KNDC1: variants seen among roughly 807,000 people sequenced by gnomAD.
KNDC1 encodes kinase non-catalytic C-lobe domain containing 1.
Under a neutral mutation model 172.8 loss-of-function variants are expected in KNDC1, and 106 were observed. The ratio of observed to expected loss-of-function variants is 0.61; its 90% confidence interval spans 0.52 to 0.72. The LOEUF is 0.72. Ranked by LOEUF, KNDC1 falls within the 30% of genes least tolerant of loss-of-function variation. The pLI, the probability that KNDC1 is intolerant of heterozygous loss-of-function variation, is 0.00. For missense variants in KNDC1, 2,325 were observed against 2,394.5 expected (o/e 0.97, Z 0.61); for synonymous variants, 1,083 against 1,062.2 (o/e 1.02, Z -0.38).
At chr10:133,221,599 C>T (rs940518316) in intron 29 of KNDC1, among the ~76,000 whole-genome samples, 5 of 152,252 alleles carry the variant, frequency 3.3e-5, no homozygotes, top group Non-Finnish European at 7.3e-5. Flanking sequence ...CACCCTCCCC[C>T]ACGGTAGATG....
chr10:133,171,959 TA>T (rs1274094198), intron 3 of KNDC1, among the ~76,000 whole-genome samples: 1 of 152,234 alleles, frequency 6.6e-6, no homozygotes, highest in Non-Finnish European at 1.5e-5. Context: ...GCCATCTTGC[TA>T]AAGTTTTTTT....
Position 133,221,360 on chromosome 10 carries a change from C to T in KNDC1, c.5018+1248C>T, listed in dbSNP as rs928163545. 2.0e-5 allele frequency among the ~76,000 whole-genome samples: 3 copies of T among 152,174 alleles called. No homozygotes were observed. In the East Asian group the frequency reaches 5.8e-4, roughly 29 times the overall value. Reference sequence around the variant, plus strand: ...TGGCTGTAAAACCTACCACCACGACCCACAGGGCTCACACCCCAGGCCACA... The same window carrying T: ...TGGCTGTAAAACCTACCACCACGACTCACAGGGCTCACACCCCAGGCCACA... On this transcript the variant is annotated intron_variant, in intron 29 of 29. Transcript: ENST00000304613.
At chr10:133,168,389 A>T in intron 3 of KNDC1, 77 bp downstream of exon 3, 1 of 1,449,932 alleles carries the variant, frequency 6.9e-7, no homozygotes, top group South Asian at 1.1e-5. Context: ...TCAGAAATGC[A>T]CCTGCCTTGG....
At chr10:133,210,556 G>A (rs549793255) in intron 20 of KNDC1, 55 bp from the exon 21 acceptor site, 52 of 1,046,180 alleles carry the variant, frequency 5.0e-5, no homozygotes, top group African/African-American at 1.2e-4. Flanking sequence ...AACACTAGCC[G>A]AGCCCTGGGG....
intron 29 of KNDC1, among the ~76,000 whole-genome samples, chr10:133,220,723 G>C (rs1845568066): frequency 1.2e-5 from 1 of 85,822 alleles, no homozygotes; most frequent in Non-Finnish European, 2.5e-5. Context: ...GCGCCCAGGA[G>C]AGGAGGGGCT....
chr10:133,202,988 C>T (rs1854417052), intron 17 of KNDC1, among the ~76,000 whole-genome samples: 1 of 152,112 alleles, frequency 6.6e-6, no homozygotes, highest in South Asian at 2.1e-4. Context: ...GCACTCAGCC[C>T]CCAAACTCAC....
chr10:133,213,870 C>A (rs1845423649), intron 25 of KNDC1, 102 bp from the exon 26 acceptor site: 6 of 1,502,578 alleles, frequency 4.0e-6, no homozygotes, highest in Middle Eastern at 1.8e-4. Flanking sequence ...GTTGGAGCGG[C>A]CTCGTGGCCC....
Position 133,200,332 on chromosome 10 carries a change from C to T in KNDC1, c.2904-43C>T, listed in dbSNP as rs921920280. 4 of 1,471,892 alleles carry T rather than the reference C, an allele frequency of 2.7e-6. No individual in the cohort carries two copies. The South Asian group carries it at 3.9e-5, about 14-fold the overall frequency. 91.2% of individuals were successfully genotyped at this position (1,471,892 alleles called of 1,614,324 possible). ...GCCCTGTGGAGACTGTGGCCTCCTCCCAGTGGGCGGAGGTGGGGACTGACC... is the reference window on the plus strand; with the variant it reads ...GCCCTGTGGAGACTGTGGCCTCCTCTCAGTGGGCGGAGGTGGGGACTGACC... On this transcript the variant is annotated intron_variant, in intron 15 of 29. Coordinates refer to ENST00000304613, the MANE Select transcript of KNDC1 (RefSeq NM_152643.8).
chr10:133,199,971 GGC>G (rs897622482), intron 15 of KNDC1, among the ~76,000 whole-genome samples: 4 of 152,124 alleles, frequency 2.6e-5, no homozygotes, highest in African/African-American at 7.2e-5. Context: ...CCAAACAGGT[GGC>G]CCCAGACCCC....
At chr10:133,214,758 C>T (rs1350295133) in intron 26 of KNDC1, among the ~76,000 whole-genome samples, 2 of 152,264 alleles carry the variant, frequency 1.3e-5, no homozygotes, top group Non-Finnish European at 2.9e-5. Context: ...GGCCCAGTCT[C>T]AGCCTCTTCT....
intron 10 of KNDC1, among the ~76,000 whole-genome samples, chr10:133,196,752 G>A (rs1854202983): frequency 2.0e-5 from 3 of 152,170 alleles, no homozygotes; most frequent in Non-Finnish European, 4.4e-5. Context: ...CAGGGAGCGT[G>A]GGGCTCAGGC....
chr10:133,217,243 A>G (rs1845484952), intron 26 of KNDC1, among the ~76,000 whole-genome samples: 1 of 152,286 alleles, frequency 6.6e-6, no homozygotes, highest in Admixed American at 6.5e-5. Flanking sequence ...TTATCTCAAA[A>G]TTACATACTT....
intron 3 of KNDC1, among the ~76,000 whole-genome samples, chr10:133,177,536 T>C (rs902952201): frequency 6.6e-6 from 1 of 151,602 alleles, no homozygotes; most frequent in African/African-American, 2.4e-5. Flanking sequence ...ATGCACATAG[T>C]GTGTGTCATG....
At chr10:133,189,547 C>T in intron 7 of KNDC1, 51 bp from the exon 8 acceptor site, 2 of 1,569,492 alleles carry the variant, frequency 1.3e-6, no homozygotes, top group Non-Finnish European at 1.7e-6. Flanking sequence ...CCCAGCCAGC[C>T]CCAAGTGCGG....
At chr10:133,215,877 C>T (rs1845460385) in intron 26 of KNDC1, among the ~76,000 whole-genome samples, 1 of 152,262 alleles carries the variant, frequency 6.6e-6, no homozygotes, top group African/African-American at 2.4e-5. Flanking sequence ...CGGGACAGAG[C>T]TCGGCACTGC....
chr10:133,215,555 A>G (rs990075338), intron 26 of KNDC1, among the ~76,000 whole-genome samples: 7 of 152,250 alleles, frequency 4.6e-5, no homozygotes, highest in African/African-American at 1.4e-4. Flanking sequence ...CGTGAGGGAC[A>G]TGAAAATGCG....
At chr10:133,184,840 G>A (rs904658419) in intron 5 of KNDC1, among the ~76,000 whole-genome samples, 7 of 152,252 alleles carry the variant, frequency 4.6e-5, no homozygotes, top group East Asian at 1.9e-4. Flanking sequence ...AGTCTCATGG[G>A]CATTTCAATA....
At chr10:133,165,800 G>A (rs191681541) in intron 1 of KNDC1, among the ~76,000 whole-genome samples, 11 of 152,142 alleles carry the variant, frequency 7.2e-5, no homozygotes, top group Admixed American at 2.6e-4. Context: ...AGTCCTGGGC[G>A]GTGCTAAGAG....
intron 23 of KNDC1, among the ~76,000 whole-genome samples, chr10:133,212,350 C>T (rs546331075): frequency 6.6e-6 from 1 of 152,354 alleles, no homozygotes; most frequent in South Asian, 2.1e-4. Flanking sequence ...GTTCCCGGTC[C>T]CAGGCAGCCC....
Sources: gnomAD v4.1 joint callset for allele counts (sites outside exome capture counted in the v4.1 genomes callset) on GRCh38, gnomAD v4.1.1 for gene constraint, MANE v1.5 for transcripts, NCBI Gene and HGNC (gene_info 2026-07-23, HGNC 2026-07-21) for gene names.